The following IMMP2L variants were observed in gnomAD, a reference collection of about 807,000 sequenced individuals.
IMMP2L encodes mitochondrial inner membrane protease subunit 2.
Under a neutral mutation model 19.3 loss-of-function variants are expected in IMMP2L, and 18 were observed. The observed-to-expected ratio is 0.93, with a 90% CI of 0.64 to 1.38. IMMP2L has a LOEUF of 1.38. Among genes scored for constraint, IMMP2L ranks in the 40% most tolerant of loss-of-function variants. IMMP2L has a pLI of 0.00. For synonymous variants in IMMP2L, 76 were observed against 73.0 expected (o/e 1.04, Z -0.21); for missense variants, 233 against 218.2 (o/e 1.07, Z -0.43).
intron 4 of IMMP2L, among the ~76,000 whole-genome samples, chr7:110,896,725 T>C (rs933622183): frequency 9.9e-5 from 15 of 152,174 alleles, no homozygotes; most frequent in African/African-American, 3.4e-4. Flanking sequence ...TTACTGGGTG[T>C]TTGCATCATC....
intron 5 of IMMP2L, among the ~76,000 whole-genome samples, chr7:110,818,443 T>A (rs1405338810): frequency 1.3e-5 from 2 of 152,076 alleles, no homozygotes; most frequent in Non-Finnish European, 2.9e-5. Context: ...AGAATGGCGA[T>A]CATTAAAAAG....
intron 3 of IMMP2L, among the ~76,000 whole-genome samples, chr7:111,303,033 A>G (rs1019062828): frequency 3.9e-5 from 6 of 152,178 alleles, no homozygotes; most frequent in African/African-American, 1.4e-4. Flanking sequence ...TTGAAATTTT[A>G]GAAAGCAAAA....
chr7:111,021,883 A>AAAACAAAC (rs35897140), intron 3 of IMMP2L, among the ~76,000 whole-genome samples: 7 of 150,310 alleles, frequency 4.7e-5, no homozygotes, highest in African/African-American at 1.7e-4. Flanking sequence ...ACTCCATATC[A>AAAACAAAC]AAACAAACAA....
chr7:111,354,592 A>C (rs576919123), intron 3 of IMMP2L, among the ~76,000 whole-genome samples: 5 of 151,826 alleles, frequency 3.3e-5, no homozygotes, highest in African/African-American at 1.2e-4. Context: ...CTTTAAAAAA[A>C]AAAGAAAGAA....
intron 3 of IMMP2L, among the ~76,000 whole-genome samples, chr7:111,262,719 T>G (rs556978616): frequency 5.9e-5 from 9 of 152,248 alleles, no homozygotes; most frequent in Admixed American, 5.9e-4. Context: ...ATGGAGATGT[T>G]TCATAATTTA....
intron 3 of IMMP2L, among the ~76,000 whole-genome samples, chr7:111,310,908 G>A (rs551104977): frequency 2.6e-5 from 4 of 152,302 alleles, no homozygotes; most frequent in Non-Finnish European, 5.9e-5. Flanking sequence ...TTAAAACAGA[G>A]CATTATGGTT....
At chr7:111,379,206 TAAA>T (rs11303513) in intron 3 of IMMP2L, among the ~76,000 whole-genome samples, 16 of 98,862 alleles carry the variant, frequency 1.6e-4, no homozygotes, top group East Asian at 2.9e-4. Context: ...ACCCTTATGG[TAAA>T]AAAAAAAAAA....
chr7:111,477,880 A>T, intron 3 of IMMP2L, among the ~76,000 whole-genome samples: 1 of 152,118 alleles, frequency 6.6e-6, no homozygotes, highest in East Asian at 1.9e-4. Context: ...CCTGGGCAAC[A>T]AGAGTGAATT....
chr7:111,067,105 G>C lies in IMMP2L; in HGVS notation c.240-103540C>G, dbSNP rs184877176. Among the ~76,000 whole-genome samples, 5 of 152,278 alleles carry C rather than the reference G, an allele frequency of 3.3e-5. 1 individual carries two copies. The highest frequency in any genetic ancestry group is 1.2e-4 in the African/African-American group (5 of 41,568). ...GTACTTTCCTGGACCTGCTCTATGT[G>C]CTTCTTTCACTGGCTGATTTTAGTT... On this transcript the variant is annotated intron_variant, in intron 3 of 5. Transcript: ENST00000405709.
intron 4 of IMMP2L, among the ~76,000 whole-genome samples, chr7:110,919,124 G>A (rs979028428): frequency 2.6e-5 from 4 of 152,136 alleles, no homozygotes; most frequent in Non-Finnish European, 4.4e-5. Context: ...ATTCAGGGCC[G>A]CCTGAGGATG....
At chr7:110,854,766 G>A (rs1461043986) in intron 5 of IMMP2L, among the ~76,000 whole-genome samples, 2 of 151,732 alleles carry the variant, frequency 1.3e-5, no homozygotes, top group Non-Finnish European at 2.9e-5. Flanking sequence ...AAATAAAATA[G>A]TTTGCTTGAG....
chr7:110,688,591 T>A (rs1214041706), intron 5 of IMMP2L, among the ~76,000 whole-genome samples: 1 of 151,008 alleles, frequency 6.6e-6, no homozygotes, highest in Non-Finnish European at 1.5e-5. Context: ...AAACATAAGT[T>A]AAAAAAAAAC....
chr7:110,982,880 T>C (rs1286701462), intron 3 of IMMP2L, among the ~76,000 whole-genome samples: 2 of 152,108 alleles, frequency 1.3e-5, no homozygotes, highest in Non-Finnish European at 2.9e-5. Context: ...TCTCATCTAA[T>C]TTTGAAAAAT....
At chr7:111,527,805 G>C (rs1432503295) in intron 1 of IMMP2L, among the ~76,000 whole-genome samples, 1 of 152,054 alleles carries the variant, frequency 6.6e-6, no homozygotes, top group East Asian at 1.9e-4. Context: ...CAAAGTCAGG[G>C]CAAGTGTTTT....
chr7:110,737,856 A>C, intron 5 of IMMP2L, among the ~76,000 whole-genome samples: 1 of 152,160 alleles, frequency 6.6e-6, no homozygotes, highest in Non-Finnish European at 1.5e-5. Flanking sequence ...CACAGCTGCA[A>C]GACCTGAAGA....
chr7:111,272,570 T>C (rs1031298094), intron 3 of IMMP2L, among the ~76,000 whole-genome samples: 1 of 152,182 alleles, frequency 6.6e-6, no homozygotes, highest in African/African-American at 2.4e-5. Context: ...GCTTCACACA[T>C]AGTAAGTGTC....
intron 5 of IMMP2L, among the ~76,000 whole-genome samples, chr7:110,840,849 C>A (rs1201365213): frequency 6.6e-6 from 1 of 151,980 alleles, no homozygotes; most frequent in East Asian, 1.9e-4. Context: ...CTCTCAAGTA[C>A]AAAAATGTTA....
intron 3 of IMMP2L, among the ~76,000 whole-genome samples, chr7:111,019,722 T>C (rs148957935): frequency 0.018 from 2,681 of 152,228 alleles, 34 homozygotes; most frequent in Middle Eastern, 0.027. Context: ...AATCAGCAGC[T>C]AATGCCAGTG....
intron 3 of IMMP2L, among the ~76,000 whole-genome samples, chr7:111,249,513 G>T (rs1291948499): frequency 6.6e-6 from 1 of 151,976 alleles, no homozygotes; most frequent in Non-Finnish European, 1.5e-5. Flanking sequence ...GTAGACCGGA[G>T]CTGTTCCTAT....
Sources: gnomAD v4.1 joint callset for allele counts (sites outside exome capture counted in the v4.1 genomes callset) on GRCh38, gnomAD v4.1.1 for gene constraint, MANE v1.5 for transcripts, NCBI Gene and HGNC (gene_info 2026-07-23, HGNC 2026-07-21) for gene names.